ANKS1B: variants seen among roughly 807,000 people sequenced by gnomAD.
ANKS1B encodes the protein ankyrin repeat and sterile alpha motif domain containing 1B.
A neutral mutation model predicts 148.3 loss-of-function variants in ANKS1B; 36 were observed. The observed-to-expected ratio is 0.24, with a 90% CI of 0.19 to 0.32. The LOEUF is 0.32. Among genes scored for constraint, ANKS1B ranks in the 10% least tolerant of loss-of-function variants. The pLI, the probability that ANKS1B is intolerant of heterozygous loss-of-function variation, is 1.00. For synonymous variants in ANKS1B, 542 were observed against 560.8 expected, an observed-to-expected ratio of 0.97 and a Z score of 0.47; for missense variants, 1,157 against 1,542.6, an observed-to-expected ratio of 0.75 and a Z score of 4.19.
intron 9 of ANKS1B, among the ~76,000 whole-genome samples, chr12:99,523,440 A>G (rs2096894876): frequency 6.6e-6 from 1 of 152,174 alleles, no homozygotes; most frequent in Non-Finnish European, 1.5e-5. Context: ...GCAGCTGATG[A>G]TAAGATTTCT....
chr12:98,772,495 C>G (rs1379849681), intron 25 of ANKS1B, among the ~76,000 whole-genome samples: 1 of 152,164 alleles, frequency 6.6e-6, no homozygotes, highest in Non-Finnish European at 1.5e-5. Flanking sequence ...GGAGGCCTCA[C>G]AATCATAGCA....
intron 1 of ANKS1B, among the ~76,000 whole-genome samples, chr12:99,955,789 G>T (rs1318665116): frequency 2.0e-5 from 3 of 152,002 alleles, no homozygotes; most frequent in Non-Finnish European, 4.4e-5. Flanking sequence ...AGGCATGTGG[G>T]GGTGGGTGGC....
At chr12:99,907,183 AC>A (rs1374011576) in intron 1 of ANKS1B, among the ~76,000 whole-genome samples, 1 of 152,154 alleles carries the variant, frequency 6.6e-6, no homozygotes, top group East Asian at 1.9e-4. Context: ...ACACTAAATA[AC>A]CAGCACTGTC....
chr12:98,896,793 A>G (rs73382415), intron 17 of ANKS1B, among the ~76,000 whole-genome samples: 16,170 of 152,246 alleles, frequency 0.11, 975 homozygotes, highest in Middle Eastern at 0.17. Flanking sequence ...AAGTGAGGCT[A>G]TTTAGTTCTG....
At chr12:98,952,995 A>G (rs1471384156) in intron 17 of ANKS1B, among the ~76,000 whole-genome samples, 7 of 150,960 alleles carry the variant, frequency 4.6e-5, no homozygotes, top group Non-Finnish European at 8.8e-5. Context: ...AGTAGCTAGG[A>G]CTACAAGCAC....
At chr12:99,405,213 T>G (rs761751280) in intron 11 of ANKS1B, among the ~76,000 whole-genome samples, 3 of 145,406 alleles carry the variant, frequency 2.1e-5, no homozygotes, top group Non-Finnish European at 3.0e-5. Flanking sequence ...CATCTGAAGG[T>G]ACATAACTCA....
chr12:98,901,465 A>C (rs1304511288), intron 17 of ANKS1B, among the ~76,000 whole-genome samples: 1 of 152,230 alleles, frequency 6.6e-6, no homozygotes, highest in Non-Finnish European at 1.5e-5. Flanking sequence ...GGGAAACCCA[A>C]AGCCCAAATA....
At chr12:99,157,627 A>G (rs1290511553) in intron 14 of ANKS1B, among the ~76,000 whole-genome samples, 1 of 152,032 alleles carries the variant, frequency 6.6e-6, no homozygotes, top group Non-Finnish European at 1.5e-5. Context: ...AAACATAGAG[A>G]GTGGACTAAT....
At chr12:99,141,758 A>G (rs139087579) in intron 15 of ANKS1B, among the ~76,000 whole-genome samples, 2 of 152,042 alleles carry the variant, frequency 1.3e-5, no homozygotes, top group South Asian at 4.1e-4. Flanking sequence ...AGAACATGTT[A>G]TCATACCTTT....
intron 14 of ANKS1B, among the ~76,000 whole-genome samples, chr12:99,160,216 C>G (rs1312906434): frequency 6.6e-6 from 1 of 152,088 alleles, no homozygotes; most frequent in African/African-American, 2.4e-5. Flanking sequence ...TGTGCAGAAG[C>G]TCTTTAATTT....
At chr12:99,036,832 G>A (rs1322773844) in intron 17 of ANKS1B, among the ~76,000 whole-genome samples, 2 of 152,152 alleles carry the variant, frequency 1.3e-5, no homozygotes, top group Non-Finnish European at 2.9e-5. Context: ...ACATGCCAAG[G>A]AACTCAACAA....
At position 98,995,421 on chromosome 12, in the gene ANKS1B, T is replaced by A. The variant is rs1011862192; in HGVS notation, c.2778+57736A>T. ...GCCTAGCCAACATGGTGAAACCCCA[T>A]CTCTACTAAAAAAAATTTAAAAAAT... On this transcript the variant is annotated intron_variant, in intron 17 of 26. Transcript: ENST00000683438. Among the ~76,000 whole-genome samples the A allele has an allele frequency of 3.1e-4, 47 of 151,910 alleles. 1 individual carries two copies. Among genetic ancestry groups the A allele is most frequent in the Admixed American group, 2.6e-3 (39 of 15,250 alleles).
At chr12:99,909,356 G>A (rs915036475) in intron 1 of ANKS1B, among the ~76,000 whole-genome samples, 1 of 151,600 alleles carries the variant, frequency 6.6e-6, no homozygotes, top group Non-Finnish European at 1.5e-5. Context: ...AATAAACATG[G>A]GAGCTCAGAT....
At chr12:99,064,469 AT>A (rs1555205962) in intron 16 of ANKS1B, among the ~76,000 whole-genome samples, 1 of 104,036 alleles carries the variant, frequency 9.6e-6, no homozygotes, top group Non-Finnish European at 2.4e-5. Context: ...GTCATCAGGG[AT>A]AGGGGCACGC....
At chr12:99,372,747 T>C (rs566037325) in intron 12 of ANKS1B, among the ~76,000 whole-genome samples, 1 of 152,246 alleles carries the variant, frequency 6.6e-6, no homozygotes, top group South Asian at 2.1e-4. Flanking sequence ...ACTGCAAAAG[T>C]ACACTGTGTC....
chr12:99,299,969 T>A (rs1311202255), intron 12 of ANKS1B, among the ~76,000 whole-genome samples: 1 of 152,104 alleles, frequency 6.6e-6, no homozygotes, highest in Non-Finnish European at 1.5e-5. Context: ...TCACATTGAG[T>A]TTGCCTTCAT....
chr12:98,770,355 A>C (rs914089005), intron 25 of ANKS1B, among the ~76,000 whole-genome samples: 5 of 152,248 alleles, frequency 3.3e-5, no homozygotes, highest in Non-Finnish European at 7.3e-5. Context: ...AATAGATGTG[A>C]ACAGGATGAA....
At chr12:99,242,776 A>G (rs940105265) in intron 14 of ANKS1B, among the ~76,000 whole-genome samples, 1 of 152,222 alleles carries the variant, frequency 6.6e-6, no homozygotes, top group Admixed American at 6.5e-5. Flanking sequence ...AAACCTGACA[A>G]AAACAAGCAA....
chr12:99,937,547 C>G (rs1487490848), intron 1 of ANKS1B, among the ~76,000 whole-genome samples: 1 of 152,072 alleles, frequency 6.6e-6, no homozygotes, highest in African/African-American at 2.4e-5. Flanking sequence ...GGAGGCAATG[C>G]TGATAGACAA....
Sources: gnomAD v4.1 joint callset for allele counts (sites outside exome capture counted in the v4.1 genomes callset) on GRCh38, gnomAD v4.1.1 for gene constraint, MANE v1.5 for transcripts, NCBI Gene and HGNC (gene_info 2026-07-23, HGNC 2026-07-21) for gene names.